COL14A1: variants seen among roughly 807,000 people sequenced by gnomAD.
The protein encoded by COL14A1 is collagen type XIV alpha 1 chain, also known as collagen alpha-1(XIV) chain.
Under a neutral mutation model 230.3 loss-of-function variants are expected in COL14A1, and 136 were observed. The ratio of observed to expected loss-of-function variants is 0.59; its 90% CI spans 0.51 to 0.68. The LOEUF is 0.68. Among genes scored for constraint, COL14A1 ranks in the 30% least tolerant of loss-of-function variants. The pLI is 0.00. For missense variants in COL14A1, 1,976 were observed against 2,215.8 expected, an observed-to-expected ratio of 0.89 and a Z score of 2.17; for synonymous variants, 792 against 784.1, an observed-to-expected ratio of 1.01 and a Z score of -0.17.
chr8:120,328,509 G>A (rs547368800), intron 40 of COL14A1, among the ~76,000 whole-genome samples: 22 of 152,100 alleles, frequency 1.4e-4, no homozygotes, highest in African/African-American at 4.8e-4. Context: ...TGGGATTACA[G>A]GCATGAGCCA....
At chr8:120,225,044 TTAGCA>T in intron 14 of COL14A1, 39 bp from the exon 15 acceptor site, 1 of 1,572,132 alleles carries the variant, frequency 6.4e-7, no homozygotes, top group Non-Finnish European at 8.6e-7. Flanking sequence ...ATTCTTATAC[TTAGCA>T]TTAGATAGAG....
At chr8:120,182,172 T>TA (rs1701858943) in intron 5 of COL14A1, among the ~76,000 whole-genome samples, 1 of 152,214 alleles carries the variant, frequency 6.6e-6, no homozygotes, top group Non-Finnish European at 1.5e-5. Context: ...CTGTCTGAAA[T>TA]AAGTTTTCAA....
At chr8:120,212,326 T>G in intron 12 of COL14A1, 122 bp from the exon 13 acceptor site, 3 of 848,906 alleles carry the variant, frequency 3.5e-6, no homozygotes, top group Middle Eastern at 3.6e-4. Flanking sequence ...GCCTGTTTGA[T>G]GAAGGGGTTG....
intron 1 of COL14A1, among the ~76,000 whole-genome samples, chr8:120,129,362 C>T (rs1404513939): frequency 6.6e-6 from 1 of 152,074 alleles, no homozygotes; most frequent in Non-Finnish European, 1.5e-5. Flanking sequence ...TAAAAACAGT[C>T]TCCCATTTCT....
intron 31 of COL14A1, among the ~76,000 whole-genome samples, chr8:120,283,349 G>T (rs1820098006): frequency 6.6e-6 from 1 of 152,146 alleles, no homozygotes; most frequent in African/African-American, 2.4e-5. Flanking sequence ...TGATAAAATA[G>T]CCAAACAAGA....
rs560512759 is a variant in COL14A1, at chr8:120,234,708, G to A, written c.2349+3090G>A. Among the ~76,000 whole-genome samples the A allele has an allele frequency of 4.4e-4, 67 of 152,216 alleles. 1 individual carries two copies. Among genetic ancestry groups the A allele is most frequent in the South Asian group, 2.9e-3 (14 of 4,816 alleles). ...AGCTTTTTAATGTGTTGCTGAATTC[G>A]GTTTGCCAGTATTTTATTGAGGATT... is the stretch of plus-strand genomic sequence containing the variant. On this transcript the variant is annotated intron_variant, in intron 19 of 47. Transcript: ENST00000297848.
intron 20 of COL14A1, 72 bp downstream of exon 20, chr8:120,244,080 C>T (rs1028226628): frequency 6.6e-7 from 1 of 1,523,706 alleles, no homozygotes; most frequent in Non-Finnish European, 8.9e-7. Flanking sequence ...TGTAATGCAC[C>T]CTGAAAGATA....
rs564964249 is a variant in COL14A1, at chr8:120,214,428, A to G, written c.1597+1851A>G. Among the ~76,000 whole-genome samples the G allele has an allele frequency of 2.7e-3, 411 of 152,350 alleles. 4 individuals are homozygous for G. The highest frequency in any genetic ancestry group is 9.1e-3 in the African/African-American group (377 of 41,586). On this transcript the variant is annotated intron_variant, in intron 13 of 47. Coordinates refer to ENST00000297848, the MANE Select transcript of COL14A1 (RefSeq NM_021110.4). ...AATTATTTTTACAATAAGCCTGTAA[A>G]GAGCTCATGAAGCTGTCAAAAATTA...
chr8:120,270,457 A>G (rs1044121332), intron 26 of COL14A1, among the ~76,000 whole-genome samples: 6 of 151,770 alleles, frequency 4.0e-5, no homozygotes, highest in Non-Finnish European at 8.8e-5. Flanking sequence ...TGTCTCCTTT[A>G]ATGATACATA....
intron 31 of COL14A1, 54 bp downstream of exon 31, chr8:120,281,113 G>A: frequency 2.0e-6 from 3 of 1,512,814 alleles, no homozygotes; most frequent in Non-Finnish European, 1.8e-6. Context: ...ATATCTCACT[G>A]TGAAAATGAT....
intron 15 of COL14A1, among the ~76,000 whole-genome samples, chr8:120,225,776 C>A (rs1818075666): frequency 6.6e-6 from 1 of 151,962 alleles, no homozygotes; most frequent in African/African-American, 2.4e-5. Context: ...TTGGTGGCAA[C>A]AATTCTATTA....
At chr8:120,167,509 G>A (rs1815945524) in intron 4 of COL14A1, among the ~76,000 whole-genome samples, 1 of 152,210 alleles carries the variant, frequency 6.6e-6, no homozygotes, top group Admixed American at 6.5e-5. Flanking sequence ...TTTAAGGAGA[G>A]AATGCAGTGG....
In COL14A1 at chr8:120,278,149, A is replaced by G. The variant is rs866041315; in HGVS notation, c.3252A>G (p.Glu1084=). The G allele has an allele frequency of 6.2e-7, 1 of 1,611,780 alleles. No homozygotes were observed. The highest frequency in any genetic ancestry group is 2.2e-5 in the East Asian group (1 of 44,814). The part of the protein sequence containing the change: ...MVQFTDDPRT[E]FKLNAYKTKE... The stretch of plus-strand genomic sequence containing the variant: ...AGTTCACTGATGATCCCAGAACAGA[A>G]TTTAAACTAAATGCTTACAAAACCA... Residue 1084 remains glutamate, a synonymous_variant, in exon 27 of 48, where the codon GAA becomes GAG. Transcript: ENST00000297848.
chr8:120,321,506 G>T (rs1353392047), intron 40 of COL14A1, among the ~76,000 whole-genome samples: 1 of 152,064 alleles, frequency 6.6e-6, no homozygotes, highest in Non-Finnish European at 1.5e-5. Context: ...AGCTTGGCAT[G>T]GTGGCACGAG....
intron 26 of COL14A1, 190 bp from the exon 27 acceptor site, chr8:120,277,921 T>G: frequency 2.3e-6 from 1 of 430,904 alleles, no homozygotes; most frequent in Non-Finnish European, 3.9e-6. Context: ...ATAAAATTTT[T>G]AAAAAAGAAA....
At position 120,136,128 on chromosome 8, in the gene COL14A1, C is replaced by T. The variant is rs547466803; in HGVS notation, c.-38+10788C>T. On this transcript the variant is annotated intron_variant, in intron 1 of 47. Coordinates refer to ENST00000297848, the MANE Select transcript of COL14A1 (RefSeq NM_021110.4). ...CTTGCCTGATTGCACTGGCTAGGAC[C>T]TCTAGTACAGTGTTGAGTGGAACTA... Among the ~76,000 whole-genome samples, 4 of 152,152 alleles carry T rather than the reference C, an allele frequency of 2.6e-5. No homozygotes were observed. The South Asian group carries it at 6.2e-4, about 24-fold the overall frequency.
chr8:120,143,295 T>G (rs1814975440), intron 1 of COL14A1, among the ~76,000 whole-genome samples: 1 of 152,108 alleles, frequency 6.6e-6, no homozygotes, highest in Non-Finnish European at 1.5e-5. Context: ...CATCCAGGAC[T>G]GGGGGAAGTA....
chr8:120,367,898 G>A lies in COL14A1; in HGVS notation c.5155+650G>A, dbSNP rs184678226. Among the ~76,000 whole-genome samples the A allele has an allele frequency of 5.3e-5, 8 of 151,428 alleles. No individual in the cohort carries two copies. In the East Asian group the frequency reaches 1.6e-3, roughly 30 times the overall value. ...GGTTGAGGCTACAGTGAACCGTGATGGTGCCACTGCCCTCCAGCCTGGGTG... is the reference window on the plus strand; with the variant it reads ...GGTTGAGGCTACAGTGAACCGTGATAGTGCCACTGCCCTCCAGCCTGGGTG... On this transcript the variant is annotated intron_variant, in intron 46 of 47. Coordinates refer to ENST00000297848, the MANE Select transcript of COL14A1 (RefSeq NM_021110.4).
Position 120,371,157 on chromosome 8 carries a change from C to G in COL14A1, c.5317C>G (p.His1773Asp), listed in dbSNP as rs778171156. The G allele has an allele frequency of 3.5e-5, 56 of 1,609,100 alleles. No individual in the cohort carries two copies. The highest frequency in any genetic ancestry group is 4.7e-5 in the Non-Finnish European group (55 of 1,178,072). The change falls in exon 48 of 48, where the codon CAT becomes GAT. Residue 1773 changes from histidine to aspartate, a missense_variant. His to Asp is a moderately conservative substitution (Grantham distance 81). This residue lies in a region of COL14A1 where 1,791 missense variants were observed against 2,019.5 expected (regional missense o/e 0.89). Coordinates refer to ENST00000297848, the MANE Select transcript of COL14A1 (RefSeq NM_021110.4). Reference protein sequence around the residue: ...SCSAYGVRAPHPDQPEFTPVQ... With the variant: ...SCSAYGVRAPDPDQPEFTPVQ... ...CCCCCACTTTTCCTCTTTAGCTCCC[C>G]ATCCAGATCAGCCAGAGTTCACCCC...
Sources: gnomAD v4.1 joint callset for allele counts (sites outside exome capture counted in the v4.1 genomes callset) on GRCh38, gnomAD v4.1.1 for gene constraint, gnomAD v4.1.1 regional missense constraint, MANE v1.5 for transcripts, NCBI Gene and HGNC (gene_info 2026-07-23, HGNC 2026-07-21) for gene names.